The following FLCN variants were observed in gnomAD, a reference collection of about 807,000 sequenced individuals.
The protein encoded by FLCN is folliculin.
FLCN carries 22 observed loss-of-function variants against 62.5 expected under a neutral mutation model. The ratio of observed to expected loss-of-function variants is 0.35; its 90% CI spans 0.25 to 0.50. The LOEUF is 0.50. FLCN is among the 20% of genes least tolerant of loss of function. The probability of loss-of-function intolerance (pLI) is 0.97; values close to 1 mark genes in which losing one functional copy is unlikely to be tolerated. For synonymous variants in FLCN, 319 were observed against 310.0 expected (o/e 1.03, Z -0.30); for missense variants, 657 against 778.0 (o/e 0.84, Z 1.85).
At chr17:17,231,066 G>A (rs1237522871) in intron 3 of FLCN, among the ~76,000 whole-genome samples, 1 of 152,080 alleles carries the variant, frequency 6.6e-6, no homozygotes, top group African/African-American at 2.4e-5. Context: ...CAGGCATGGT[G>A]GCGCACACCT....
intron 1 of FLCN, among the ~76,000 whole-genome samples, chr17:17,233,333 C>G (rs2047476805): frequency 6.6e-6 from 1 of 151,998 alleles, no homozygotes; most frequent in African/African-American, 2.4e-5. Context: ...CGCGGTGGCT[C>G]ACGCCTGTAA....
At position 17,213,806 on chromosome 17, in the gene FLCN, TC is replaced by T; in HGVS notation, c.1588del (p.Glu530ArgfsTer7). 1 of 1,614,256 alleles carries T rather than the reference TC, an allele frequency of 6.2e-7. No homozygotes were observed. The highest frequency in any genetic ancestry group is 1.1e-5 in the South Asian group (1 of 91,086). ...KFTKVDSRPKEDTQKLLSILG... is the reference protein window; with the variant it reads ...KFTKVDSRPKXDTQKLLSILG... ...GATGCTCAGCAGCTTCTGTGTGTCC[TC>T]TTTGGGTCGACTGTCCACCTTGGTG... On this transcript the variant is annotated frameshift_variant, in exon 14 of 14. Transcript: ENST00000285071. LOFTEE classifies it high-confidence loss of function.
intron 13 of FLCN, 39 bp downstream of exon 13, chr17:17,214,946 G>A: frequency 6.3e-7 from 1 of 1,596,954 alleles, no homozygotes; most frequent in Non-Finnish European, 8.6e-7. Flanking sequence ...TTTTCTCCAG[G>A]GTCGCAAGCA....
intron 3 of FLCN, chr17:17,231,384 G>A (rs2047417330): frequency 6.6e-6 from 1 of 152,242 alleles, no homozygotes; most frequent in South Asian, 2.1e-4. Flanking sequence ...GTGGCTGGCA[G>A]GGAATGGAGG....
At position 17,226,257 on chromosome 17, in the gene FLCN, T is replaced by C. The variant is rs759011359; in HGVS notation, c.315A>G (p.Lys105=). 49 of 1,614,002 alleles carry C rather than the reference T, an allele frequency of 3.0e-5. No individual in the cohort carries two copies. Among genetic ancestry groups the C allele is most frequent in the South Asian group, 4.4e-5 (4 of 91,080 alleles). ...YISHDKETSI[K]YVSHQHPSHP... is the part of the protein sequence containing the mutation. ...GGCTGGGGTGCTGGTGGCTGACGTA[T>C]TTAATGGAGGTCTCTTTATCATGGC... Residue 105 remains lysine, a synonymous_variant, in exon 5 of 14, where the codon AAA becomes AAG. Transcript: ENST00000285071.
At chr17:17,221,870 G>T (rs1234438180) in intron 7 of FLCN, among the ~76,000 whole-genome samples, 2 of 152,168 alleles carry the variant, frequency 1.3e-5, no homozygotes, top group African/African-American at 4.8e-5. Context: ...CTAAACCAGA[G>T]AGACTTGGGG....
intron 4 of FLCN, among the ~76,000 whole-genome samples, chr17:17,226,689 C>T (rs1007494609): frequency 6.6e-6 from 1 of 152,294 alleles, no homozygotes; most frequent in South Asian, 2.1e-4. Context: ...GTAGCTGGCC[C>T]GAGGGTGAGG....
At chr17:17,221,428 T>C (rs1335763409) in intron 8 of FLCN, 109 bp downstream of exon 8, 2 of 1,613,554 alleles carry the variant, frequency 1.2e-6, no homozygotes, top group South Asian at 2.2e-5. Context: ...TCTGGGCTGA[T>C]TCAGAGCCGC....
intron 1 of FLCN, among the ~76,000 whole-genome samples, chr17:17,234,164 C>T (rs2047508186): frequency 6.6e-6 from 1 of 151,580 alleles, no homozygotes; most frequent in Admixed American, 6.6e-5. Flanking sequence ...TGACAAGCCA[C>T]TTCCCAGCAC....
chr17:17,231,527 T>C (rs529268087), intron 3 of FLCN: 1 of 152,286 alleles, frequency 6.6e-6, no homozygotes, highest in African/African-American at 2.4e-5. Context: ...AATGTTTGAC[T>C]GAGTAGTGGA....
chr17:17,235,124 A>C (rs1423812178), intron 1 of FLCN, among the ~76,000 whole-genome samples: 2 of 149,590 alleles, frequency 1.3e-5, no homozygotes, highest in South Asian at 4.2e-4. Flanking sequence ...AAAAAAAAAA[A>C]AAAAAAGCCA....
chr17:17,230,438 C>G lies in FLCN; in HGVS notation c.-25+1356G>C, dbSNP rs56339340. On this transcript the variant is annotated intron_variant, in intron 3 of 13. Transcript: ENST00000285071. ...CCCAGCTACTCAGGAGGCTGAGGCA[C>G]GAGAATCACTTGAACCTGGGAGGCA... is the stretch of plus-strand genomic sequence containing the variant. Among the ~76,000 whole-genome samples the G allele has an allele frequency of 9.9e-4, 150 of 151,702 alleles. 1 individual carries two copies. The highest frequency in any genetic ancestry group is 1.9e-3 in the Non-Finnish European group (127 of 67,926).
In FLCN at chr17:17,216,383, A is replaced by G; in HGVS notation, c.1297T>C (p.Ser433Pro). Residue 433 changes from serine to proline, a missense_variant, in exon 11 of 14, where the codon TCA becomes CCA. Transcript: ENST00000285071. This position sits in a 1 kb window ranked among gnomAD's most constrained non-coding sequence, Gnocchi z 4.0. ...CACAGCCCGCGGGGGCACGCACCTG[A>G]GGAGAGCACGTGGGGGGGGATCTGC... is the stretch of plus-strand genomic sequence containing the variant. ...HVQIPPHVLS[S>P]EFAVIVEVHA... 1 of 1,613,422 alleles carries G rather than the reference A, an allele frequency of 6.2e-7. No homozygotes were observed. Among genetic ancestry groups the G allele is most frequent in the Non-Finnish European group, 8.5e-7 (1 of 1,179,674 alleles).
At chr17:17,228,208 C>T (rs2047319126) in intron 3 of FLCN, 47 bp from the exon 4 acceptor site, 1 of 1,574,226 alleles carries the variant, frequency 6.4e-7, no homozygotes, top group African/African-American at 1.3e-5. Context: ...CTATTGACTC[C>T]ATGAAACCTC....
At chr17:17,230,537 A>G (rs9652820) in intron 3 of FLCN, among the ~76,000 whole-genome samples, 3 of 151,888 alleles carry the variant, frequency 2.0e-5, no homozygotes, top group Non-Finnish European at 4.4e-5. Context: ...CTCAAAAAAA[A>G]CCAAAAACAA....
chr17:17,215,161 G>A, intron 12 of FLCN, 24 bp downstream of exon 12: 1 of 1,614,066 alleles, frequency 6.2e-7, no homozygotes, highest in Non-Finnish European at 8.5e-7. Context: ...TCACAAAAAG[G>A]ACACTCTGCC....
At position 17,227,937 on chromosome 17, in the gene FLCN, G is replaced by C. The variant is rs764082089; in HGVS notation, c.201C>G (p.Ala67=). ...GCCCCGGGCTGCTGGACTCGACGCTGGCCCCCTCTGCGGGGCTGTGCGCAC... is the reference window on the plus strand; with the variant it reads ...GCCCCGGGCTGCTGGACTCGACGCTCGCCCCCTCTGCGGGGCTGTGCGCAC... ...RMRAHSPAEG[A]SVESSSPGPK... is the part of the protein sequence containing the mutation. Residue 67 remains alanine, a synonymous_variant, in exon 4 of 14, where the codon GCC becomes GCG. Coordinates refer to ENST00000285071, the MANE Select transcript of FLCN (RefSeq NM_144997.7). The C allele has an allele frequency of 5.0e-6, 8 of 1,613,982 alleles. No individual in the cohort carries two copies. The East Asian group carries it at 1.8e-4, about 36-fold the overall frequency.
intron 13 of FLCN, among the ~76,000 whole-genome samples, chr17:17,214,749 G>T (rs547193148): frequency 1.3e-5 from 2 of 152,066 alleles, no homozygotes; most frequent in Non-Finnish European, 2.9e-5. Context: ...AGCCTCAGTC[G>T]CTCTCCAAGG....
At chr17:17,223,423 C>A (rs2047153333) in intron 6 of FLCN, among the ~76,000 whole-genome samples, 1 of 37,780 alleles carries the variant, frequency 2.6e-5, no homozygotes, top group South Asian at 7.6e-4. Flanking sequence ...GGCTGCCGCT[C>A]TGCCTGCCAG....
Sources: allele counts gnomAD v4.1 joint callset (sites outside exome capture counted in the v4.1 genomes callset), GRCh38; gene constraint gnomAD v4.1.1; non-coding constraint Gnocchi (gnomAD v3.1); transcripts MANE v1.5; gene names NCBI Gene and HGNC (gene_info 2026-07-23, HGNC 2026-07-21).